ROS1: variants seen among roughly 807,000 people sequenced by gnomAD.
ROS1 encodes the protein ROS proto-oncogene 1, receptor tyrosine kinase, also known as proto-oncogene tyrosine-protein kinase ROS.
ROS1 carries 263 observed loss-of-function variants against 273.5 expected under a neutral mutation model. The ratio of observed to expected loss-of-function variants is 0.96; its 90% CI spans 0.87 to 1.06. The LOEUF (loss-of-function observed/expected upper bound fraction) is 1.06. Ranked by LOEUF, ROS1 falls within the 50% of genes least tolerant of loss-of-function variation. The probability of loss-of-function intolerance (pLI) is 0.00; values close to 1 mark genes in which losing one functional copy is unlikely to be tolerated. For missense variants in ROS1, 2,833 were observed against 2,751.1 expected, an observed-to-expected ratio of 1.03 and a Z score of -0.67; for synonymous variants, 1,008 against 954.1, an observed-to-expected ratio of 1.06 and a Z score of -1.04.
At chr6:117,412,662 T>C (rs747223128) in intron 4 of ROS1, among the ~76,000 whole-genome samples, 3 of 152,198 alleles carry the variant, frequency 2.0e-5, no homozygotes, top group Non-Finnish European at 4.4e-5. Flanking sequence ...CCTGTTCAGT[T>C]CTACTTTATT....
chr6:117,358,680 G>A (rs544057215), intron 24 of ROS1, among the ~76,000 whole-genome samples: 6 of 152,164 alleles, frequency 3.9e-5, no homozygotes, highest in African/African-American at 7.2e-5. Context: ...GGCTGGTATC[G>A]AATTCCCGGC....
chr6:117,300,935 T>G, intron 43 of ROS1, 39 bp downstream of exon 43: 2 of 1,502,920 alleles, frequency 1.3e-6, no homozygotes, highest in Middle Eastern at 3.9e-4. Context: ...CAGTTCACAG[T>G]GCAGCGAAAA....
At chr6:117,389,206 CTT>C in intron 13 of ROS1, 142 bp downstream of exon 13, 1 of 902,048 alleles carries the variant, frequency 1.1e-6, no homozygotes, top group Non-Finnish European at 1.7e-6. Context: ...AATGTATAAA[CTT>C]TTTTTTTAGC....
Position 117,356,839 on chromosome 6 carries a change from G to C in ROS1, c.3916C>G (p.Arg1306Gly). The C allele has an allele frequency of 6.2e-7, 1 of 1,614,024 alleles. No homozygotes were observed. The highest frequency in any genetic ancestry group is 1.1e-5 in the South Asian group (1 of 91,064). The change falls in exon 26 of 44, where the codon CGA (arginine) becomes GGA (glycine). Residue 1306 changes from arginine (R) to glycine (G), a missense_variant. By Grantham distance (125) the Arg-to-Gly change is moderately radical (BLOSUM62 -2). Transcript: ENST00000368507. ...TTTGTAGCTGTGGGTTGCAGAATTC[G>C]GTGCAAGGTGTGACTGATAATACTG... ...YYSIISHTLHRILQPTATNQQ... is the reference protein window; with the variant it reads ...YYSIISHTLHGILQPTATNQQ...
intron 40 of ROS1, 134 bp downstream of exon 40, chr6:117,310,884 AAG>A (rs1775491207): frequency 1.7e-6 from 1 of 578,758 alleles, no homozygotes; most frequent in Non-Finnish European, 3.0e-6. Context: ...AATGATTTAT[AAG>A]AGAGACTTTT....
intron 39 of ROS1, among the ~76,000 whole-genome samples, chr6:117,315,460 G>A (rs1410746332): frequency 2.0e-5 from 3 of 152,012 alleles, no homozygotes; most frequent in Non-Finnish European, 4.4e-5. Flanking sequence ...TTTTGAAGGG[G>A]AGGAGGCAAA....
At chr6:117,402,735 A>C (rs946627158) in intron 7 of ROS1, among the ~76,000 whole-genome samples, 26 of 151,910 alleles carry the variant, frequency 1.7e-4, no homozygotes, top group African/African-American at 5.6e-4. Flanking sequence ...TAAAAATACA[A>C]AAAATTAGCC....
In ROS1 at chr6:117,347,432, A is replaced by G. The variant is rs919076845; in HGVS notation, c.4304-3170T>C. ...TAACCTCGTGTCCTGCAAACTTGCT[A>G]TAATCACTTATGAGTTCCAGGAGTC... On this transcript the variant is annotated intron_variant, in intron 27 of 43. Coordinates refer to ENST00000368507, the MANE Select transcript of ROS1 (RefSeq NM_001378902.1). Among the ~76,000 whole-genome samples, 4 of 152,122 alleles carry G rather than the reference A, an allele frequency of 2.6e-5. No individual in the cohort carries two copies. In the South Asian group the frequency reaches 6.2e-4, roughly 24 times the overall value.
intron 26 of ROS1, among the ~76,000 whole-genome samples, chr6:117,353,586 T>C (rs1725476216): frequency 6.6e-6 from 1 of 152,232 alleles, no homozygotes; most frequent in South Asian, 2.1e-4. Flanking sequence ...TTGGAATGAA[T>C]GCATAGTAAA....
In ROS1 at chr6:117,360,373, T is replaced by C. The variant is rs1179343429; in HGVS notation, c.3399A>G (p.Pro1133=). ...VRAFTSKGPG[P]YADVVKSTTS... is the part of the protein sequence containing the mutation. ...TTGTAGACTTTACAACGTCAGCATATGGTCCTGGCCCCTTAGATGTAAAGG... is the reference window on the plus strand; with the variant it reads ...TTGTAGACTTTACAACGTCAGCATACGGTCCTGGCCCCTTAGATGTAAAGG... The change falls in exon 23 of 44, where the codon CCA becomes CCG. Residue 1133 remains proline, a synonymous_variant. Transcript: ENST00000368507. 1 of 1,613,578 alleles carries C rather than the reference T, an allele frequency of 6.2e-7. No individual in the cohort carries two copies. The highest frequency in any genetic ancestry group is 1.1e-5 in the South Asian group (1 of 91,038).
intron 20 of ROS1, 94 bp from the exon 21 acceptor site, chr6:117,365,298 T>C (rs2128659666): frequency 1.5e-6 from 2 of 1,342,616 alleles, no homozygotes; most frequent in Admixed American, 2.6e-5. Flanking sequence ...TTAGTTCACA[T>C]GTAAAATCAA....
At chr6:117,378,265 A>G (rs557205911) in intron 18 of ROS1, among the ~76,000 whole-genome samples, 1 of 152,366 alleles carries the variant, frequency 6.6e-6, no homozygotes, top group South Asian at 2.1e-4. Flanking sequence ...TAAAATGTCC[A>G]TCAAGACATG....
intron 35 of ROS1, 74 bp from the exon 36 acceptor site, chr6:117,321,468 G>A: frequency 7.6e-7 from 1 of 1,312,934 alleles, no homozygotes; most frequent in Non-Finnish European, 1.0e-6. Flanking sequence ...TGTTAACAGT[G>A]CATTTGAAGT....
intron 32 of ROS1, among the ~76,000 whole-genome samples, chr6:117,334,335 G>A (rs1777309443): frequency 6.6e-6 from 1 of 152,112 alleles, no homozygotes; most frequent in Non-Finnish European, 1.5e-5. Context: ...ATTGCTCAAG[G>A]AAATAAGAAA....
Position 117,387,628 on chromosome 6 carries a change from T to A in ROS1, c.1999+152A>T, listed in dbSNP as rs1410252242. The A allele has an allele frequency of 4.8e-5, 32 of 667,450 alleles. No homozygotes were observed. In the East Asian group the frequency reaches 7.7e-4, roughly 16 times the overall value. The allele number at this position is 667,450 out of a possible 1,614,324, so 41.3% of individuals were successfully genotyped here. A position where few individuals can be genotyped will look rare whatever the true frequency, so the allele number is the denominator to read the frequency against. On this transcript the variant is annotated intron_variant, in intron 14 of 43. Transcript: ENST00000368507. Reference sequence around the variant, plus strand: ...CTTTCCTAATCTCAGAAAATAAATATGTACTCAATATGTGTTTACTCAAAC... The same window carrying A: ...CTTTCCTAATCTCAGAAAATAAATAAGTACTCAATATGTGTTTACTCAAAC...
intron 42 of ROS1, among the ~76,000 whole-genome samples, chr6:117,306,528 A>G (rs1775115656): frequency 6.6e-6 from 1 of 152,138 alleles, no homozygotes; most frequent in African/African-American, 2.4e-5. Flanking sequence ...CGTACATCTC[A>G]GGCTATGGAG....
intron 31 of ROS1, among the ~76,000 whole-genome samples, chr6:117,337,997 G>C (rs1245099355): frequency 6.6e-6 from 1 of 152,004 alleles, no homozygotes; most frequent in Non-Finnish European, 1.5e-5. Context: ...TTTAGATATT[G>C]GGCCTCTAAT....
At chr6:117,394,818 C>CCTG in intron 9 of ROS1, 80 bp from the exon 10 acceptor site, 2 of 1,300,306 alleles carry the variant, frequency 1.5e-6, no homozygotes, top group South Asian at 4.0e-5. Flanking sequence ...CAGTACTACC[C>CCTG]TTCAAAGCAA....
intron 40 of ROS1, among the ~76,000 whole-genome samples, chr6:117,310,591 G>A (rs1363352904): frequency 1.3e-5 from 2 of 151,872 alleles, no homozygotes; most frequent in African/African-American, 2.4e-5. Flanking sequence ...CCCTCCCTGT[G>A]TCCATGTGTT....
Sources: gnomAD v4.1 joint callset for allele counts (sites outside exome capture counted in the v4.1 genomes callset) on GRCh38, gnomAD v4.1.1 for gene constraint, MANE v1.5 for transcripts, NCBI Gene and HGNC (gene_info 2026-07-23, HGNC 2026-07-21) for gene names.